TET1: variants seen among roughly 807,000 people sequenced by gnomAD.
TET1 encodes the protein tet methylcytosine dioxygenase 1, also known as methylcytosine dioxygenase TET1.
In TET1, 13 loss-of-function variants were observed where a neutral mutation model predicts 148.7. The observed-to-expected ratio is 0.09, with a 90% CI of 0.06 to 0.14. TET1 has a LOEUF of 0.14. Among genes scored for constraint, TET1 ranks in the 10% least tolerant of loss-of-function variants. The probability of loss-of-function intolerance (pLI) is 1.00; values close to 1 mark genes in which losing one functional copy is unlikely to be tolerated. For synonymous variants in TET1, 907 were observed against 937.2 expected (o/e 0.97, Z 0.59); for missense variants, 2,182 against 2,553.8 (o/e 0.85, Z 3.14).
At chr10:68,615,356 C>CTTTTTTTTTTTTTTTT (rs71019038) in intron 3 of TET1, among the ~76,000 whole-genome samples, 3 of 145,280 alleles carry the variant, frequency 2.1e-5, no homozygotes, top group African/African-American at 2.5e-5. Flanking sequence ...CTTTTCTTTT[C>CTTTTTTTTTTTTTTTT]TTTTTTTGAG....
At chr10:68,681,227 C>G (rs1250325706) in intron 8 of TET1, among the ~76,000 whole-genome samples, 172 bp from the exon 9 acceptor site, 1 of 152,060 alleles carries the variant, frequency 6.6e-6, no homozygotes, top group Admixed American at 6.6e-5. Context: ...ATAACAATGT[C>G]TAATAGTTTA....
chr10:68,583,775 A>G (rs7896586), intron 2 of TET1, among the ~76,000 whole-genome samples: 74,617 of 151,694 alleles, frequency 0.49, 18,951 homozygotes, highest in East Asian at 0.56. Context: ...GCTGGGCATG[A>G]TGGCGCGTGT....
rs1339796358 is a variant in TET1, at chr10:68,691,139, C to T, written c.5736C>T (p.Thr1912=). ...TTGGCGAAGTGGCTCCTCTCCCCAC[C>T]CTGTCTGCTCCTGTGATGGAGCCCC... The part of the protein sequence containing the change: ...SQLGEVAPLP[T]LSAPVMEPLI... Residue 1912 remains threonine (T), a synonymous_variant, in exon 12 of 12, where the codon ACC becomes ACT. Coordinates refer to ENST00000373644, the MANE Select transcript of TET1 (RefSeq NM_030625.3). The surrounding 1 kb of genome is among the most constrained non-coding windows in gnomAD (Gnocchi z 4.4). The T allele has an allele frequency of 1.2e-6, 2 of 1,614,084 alleles. No homozygotes were observed. The highest frequency in any genetic ancestry group is 1.6e-4 in the Middle Eastern group (1 of 6,084).
chr10:68,630,213 G>A (rs1369655766), intron 3 of TET1, among the ~76,000 whole-genome samples: 5 of 152,140 alleles, frequency 3.3e-5, no homozygotes, highest in African/African-American at 7.2e-5. Flanking sequence ...GAACATAGGG[G>A]TATTTTGAGA....
intron 3 of TET1, among the ~76,000 whole-genome samples, chr10:68,622,243 C>T (rs770491356): frequency 7.0e-6 from 1 of 142,022 alleles, no homozygotes; most frequent in Non-Finnish European, 1.5e-5. Flanking sequence ...CCTTCCCTCC[C>T]TCCCTCCCTC....
At chr10:68,686,113 C>A (rs1412471586) in intron 10 of TET1, among the ~76,000 whole-genome samples, 4 of 152,066 alleles carry the variant, frequency 2.6e-5, no homozygotes, top group South Asian at 4.1e-4. Flanking sequence ...TATTTTATAA[C>A]GTTATATTTA....
rs1219957926 is a variant in TET1, at chr10:68,572,710, A to G, written c.372A>G (p.Lys124=). The G allele has an allele frequency of 1.2e-6, 2 of 1,614,152 alleles. No homozygotes were observed. Among genetic ancestry groups the G allele is most frequent in the Admixed American group, 3.3e-5 (2 of 60,008 alleles). The change falls in exon 2 of 12, where the codon AAA becomes AAG. Residue 124 remains lysine (K), a synonymous_variant. Transcript: ENST00000373644. Reference sequence around the variant, plus strand: ...CCCAACCCCCACTGGTCGTAGCCAAATCCAAAAAGGTTCCACTTTCTAAGG... The same window carrying G: ...CCCAACCCCCACTGGTCGTAGCCAAGTCCAAAAAGGTTCCACTTTCTAAGG... ...RLSQPPLVVA[K]SKKVPLSKGL...
At position 68,589,662 on chromosome 10, in the gene TET1, ATTTTTTTT is replaced by A. The variant is rs57278279; in HGVS notation, c.1915-11301_1915-11294del. On this transcript the variant is annotated intron_variant, in intron 2 of 11. Transcript: ENST00000373644. The stretch of plus-strand genomic sequence containing the variant: ...ATACTGTGCTCGGTTAATATCTCCA[ATTTTTTTT>A]TTTTTTTTTTTTTTTTTGGAGACAA... 3.6e-3 allele frequency among the ~76,000 whole-genome samples: 392 copies of A among 109,746 alleles called. 2 individuals are homozygous for A. The highest frequency in any genetic ancestry group is 0.011 in the African/African-American group (280 of 25,384). 72.0% of individuals were successfully genotyped at this position (109,746 alleles called of 152,430 possible).
chr10:68,686,771 C>T (rs1392039837), intron 11 of TET1, 64 bp downstream of exon 11: 1 of 1,439,368 alleles, frequency 6.9e-7, no homozygotes, highest in Non-Finnish European at 9.4e-7. Flanking sequence ...TTGGACTTTG[C>T]CTTGCCTTAT....
chr10:68,687,939 T>A (rs1035124234), intron 11 of TET1, among the ~76,000 whole-genome samples: 1 of 152,252 alleles, frequency 6.6e-6, no homozygotes, highest in African/African-American at 2.4e-5. Flanking sequence ...GGGTTTTTTT[T>A]AAAAGACAGA....
intron 6 of TET1, among the ~76,000 whole-genome samples, chr10:68,664,580 G>T (rs2055169402): frequency 6.7e-6 from 1 of 149,744 alleles, no homozygotes; most frequent in Admixed American, 6.7e-5. Flanking sequence ...AAGAGACAAG[G>T]TCTCACCATG....
intron 6 of TET1, among the ~76,000 whole-genome samples, chr10:68,666,630 C>T (rs2055199222): frequency 6.6e-6 from 1 of 152,176 alleles, no homozygotes; most frequent in Non-Finnish European, 1.5e-5. Flanking sequence ...CCTTGTACTA[C>T]TTCTACAAAT....
intron 2 of TET1, among the ~76,000 whole-genome samples, chr10:68,587,635 C>T (rs781751157): frequency 1.3e-5 from 2 of 152,154 alleles, no homozygotes; most frequent in Non-Finnish European, 2.9e-5. Context: ...TACTAATTCA[C>T]ATTACTTCAT....
At chr10:68,624,095 C>CT (rs1163543201) in intron 3 of TET1, among the ~76,000 whole-genome samples, 4 of 146,764 alleles carry the variant, frequency 2.7e-5, no homozygotes, top group African/African-American at 9.9e-5. Context: ...TTCTTTCTTT[C>CT]TTTCTTTTCT....
At chr10:68,620,695 T>C (rs1479063167) in intron 3 of TET1, among the ~76,000 whole-genome samples, 2 of 152,096 alleles carry the variant, frequency 1.3e-5, no homozygotes, top group African/African-American at 4.8e-5. Flanking sequence ...TACCAAGAAG[T>C]GGAACTACTG....
At chr10:68,683,712 A>C (rs904386552) in intron 10 of TET1, among the ~76,000 whole-genome samples, 2 of 152,196 alleles carry the variant, frequency 1.3e-5, no homozygotes, top group African/African-American at 4.8e-5. Flanking sequence ...GCGCTCGGCC[A>C]ATTTTTTAAA....
chr10:68,613,510 T>G (rs956000921), intron 3 of TET1, among the ~76,000 whole-genome samples: 2 of 152,178 alleles, frequency 1.3e-5, no homozygotes, highest in African/African-American at 4.8e-5. Context: ...GAGATTAAAT[T>G]GATCTGCTGC....
At chr10:68,585,612 T>G (rs540678321) in intron 2 of TET1, among the ~76,000 whole-genome samples, 1 of 152,268 alleles carries the variant, frequency 6.6e-6, no homozygotes, top group Non-Finnish European at 1.5e-5. Context: ...TTATATGCAT[T>G]TTTTATGGTG....
intron 2 of TET1, among the ~76,000 whole-genome samples, chr10:68,599,135 T>C (rs2054022511): frequency 6.6e-6 from 1 of 152,130 alleles, no homozygotes; most frequent in Admixed American, 6.5e-5. Context: ...AGGCTAGGGA[T>C]TAAGGGTGAT....
Sources: gnomAD v4.1 joint callset for allele counts (sites outside exome capture counted in the v4.1 genomes callset) on GRCh38, gnomAD v4.1.1 for gene constraint, Gnocchi (gnomAD v3.1) non-coding constraint, MANE v1.5 for transcripts, NCBI Gene and HGNC (gene_info 2026-07-23, HGNC 2026-07-21) for gene names.